MTCL1: variants seen among roughly 807,000 people sequenced by gnomAD.
The protein encoded by MTCL1 is microtubule crosslinking factor 1.
Under a neutral mutation model 141.4 loss-of-function variants are expected in MTCL1, and 79 were observed. That is an observed-to-expected ratio of 0.56 (90% CI 0.47 to 0.67). The LOEUF is 0.67. Ranked by LOEUF, MTCL1 falls within the 30% of genes least tolerant of loss-of-function variation. MTCL1 has a pLI of 0.00. For missense variants in MTCL1, 2,177 were observed against 2,113.9 expected, an observed-to-expected ratio of 1.03 and a Z score of -0.59; for synonymous variants, 914 against 875.8, an observed-to-expected ratio of 1.04 and a Z score of -0.77.
intron 10 of MTCL1, among the ~76,000 whole-genome samples, chr18:8,799,895 C>T (rs895875886): frequency 3.3e-5 from 5 of 152,244 alleles, no homozygotes; most frequent in Non-Finnish European, 7.3e-5. Context: ...TTGCCTCCTG[C>T]TTCTTCCAAC....
exon 1 of MTCL1, chr18:8,706,631 A>G (rs1179282350): frequency 5.2e-6 from 8 of 1,542,114 alleles, no homozygotes; most frequent in Non-Finnish European, 7.0e-6. Flanking sequence ...CTGGGCGAGC[A>G]GTCTCGGCTC....
intron 10 of MTCL1, among the ~76,000 whole-genome samples, chr18:8,803,220 G>A (rs1277238603): frequency 1.3e-5 from 2 of 151,656 alleles, no homozygotes; most frequent in African/African-American, 2.4e-5. Context: ...GTCAGAATTC[G>A]AATATTCCTG....
At chr18:8,802,658 G>A (rs1191344863) in intron 10 of MTCL1, among the ~76,000 whole-genome samples, 1 of 152,208 alleles carries the variant, frequency 6.6e-6, no homozygotes, top group Non-Finnish European at 1.5e-5. Flanking sequence ...TTCTGAACCT[G>A]TTAAAAAGTT....
At chr18:8,730,917 T>C (rs1383753280) in intron 4 of MTCL1, among the ~76,000 whole-genome samples, 2 of 152,196 alleles carry the variant, frequency 1.3e-5, no homozygotes, top group Non-Finnish European at 2.9e-5. Context: ...ACCTCTGACT[T>C]GTAGTGAAAC....
intron 6 of MTCL1, among the ~76,000 whole-genome samples, chr18:8,785,503 C>CA (rs1231013687): frequency 2.0e-5 from 3 of 152,230 alleles, no homozygotes; most frequent in Non-Finnish European, 4.4e-5. Flanking sequence ...CGCCTGGGTG[C>CA]ATGGCCCAGC....
intron 7 of MTCL1, among the ~76,000 whole-genome samples, chr18:8,787,975 A>G (rs2075576650): frequency 6.6e-6 from 1 of 151,442 alleles, no homozygotes; most frequent in Non-Finnish European, 1.5e-5. Context: ...GTCTTTGAAT[A>G]TGACATTGTG....
chr18:8,764,516 C>T (rs1483987518), intron 4 of MTCL1, among the ~76,000 whole-genome samples: 1 of 152,074 alleles, frequency 6.6e-6, no homozygotes, highest in Non-Finnish European at 1.5e-5. Context: ...CAGGGTTTCA[C>T]CATGTTGGCC....
chr18:8,815,820 T>C (rs932711681), intron 12 of MTCL1, among the ~76,000 whole-genome samples: 1 of 152,078 alleles, frequency 6.6e-6, no homozygotes, highest in Non-Finnish European at 1.5e-5. Flanking sequence ...GTGGACATCT[T>C]TGAGCATCAT....
chr18:8,830,358 C>T lies in MTCL1; in HGVS notation c.*19-1249C>T. On this transcript the variant is annotated intron_variant, in intron 16 of 16. Coordinates refer to ENST00000359865, the Ensembl canonical transcript of MTCL1. This position sits in a 1 kb window ranked among gnomAD's most constrained non-coding sequence, Gnocchi z 6.4. Reference sequence around the variant, plus strand: ...GGAGCATGAAGCATAGTCTCCAGGGCCACTGTTCCTTTTCTGCTGACCCCA... The same window carrying T: ...GGAGCATGAAGCATAGTCTCCAGGGTCACTGTTCCTTTTCTGCTGACCCCA... 1.0e-6 allele frequency: 1 copy of T among 985,536 alleles called. No homozygotes were observed. Among genetic ancestry groups the T allele is most frequent in the Admixed American group, 6.1e-5 (1 of 16,286 alleles). The allele number at this position is 985,536 out of a possible 1,614,324, so 61.0% of individuals were successfully genotyped here.
intron 4 of MTCL1, among the ~76,000 whole-genome samples, chr18:8,754,824 G>A (rs1438067326): frequency 2.0e-5 from 3 of 152,134 alleles, no homozygotes; most frequent in Non-Finnish European, 2.9e-5. Flanking sequence ...GTAAGTATTA[G>A]TGGAAAGAGG....
intron 10 of MTCL1, among the ~76,000 whole-genome samples, chr18:8,802,829 G>T (rs2076166846): frequency 6.6e-6 from 1 of 152,178 alleles, no homozygotes; most frequent in Admixed American, 6.5e-5. Context: ...CCAGATTTTT[G>T]AGTTGAAACT....
At chr18:8,727,504 T>A (rs1279315936) in intron 4 of MTCL1, among the ~76,000 whole-genome samples, 2 of 152,226 alleles carry the variant, frequency 1.3e-5, no homozygotes, top group Admixed American at 1.3e-4. Context: ...TGTTTGATGA[T>A]ATCTCATTGT....
intron 4 of MTCL1, among the ~76,000 whole-genome samples, chr18:8,732,993 G>A (rs760336211): frequency 2.1e-4 from 32 of 152,258 alleles, no homozygotes; most frequent in Non-Finnish European, 3.5e-4. Context: ...TGCTCTGGTT[G>A]CCCAGGCAAA....
chr18:8,817,890 G>C (rs1017385562), intron 12 of MTCL1, among the ~76,000 whole-genome samples: 19 of 152,232 alleles, frequency 1.2e-4, no homozygotes, highest in African/African-American at 4.6e-4. Context: ...GCTTTCTGTG[G>C]CTGTTTTAGA....
Sources: gnomAD v4.1 joint callset for allele counts (sites outside exome capture counted in the v4.1 genomes callset) on GRCh38, gnomAD v4.1.1 for gene constraint, Gnocchi (gnomAD v3.1) non-coding constraint, MANE v1.5 for transcripts, NCBI Gene and HGNC (gene_info 2026-07-23, HGNC 2026-07-21) for gene names.